The following CLASRP variants were observed in gnomAD, a reference collection of about 807,000 sequenced individuals.
The protein encoded by CLASRP is CLK4 associating serine/arginine rich protein, also known as CLK4-associating serine/arginine rich protein.
A neutral mutation model predicts 99.9 loss-of-function variants in CLASRP; 52 were observed. The ratio of observed to expected loss-of-function variants is 0.52; its 90% CI spans 0.42 to 0.66. CLASRP has a LOEUF of 0.66. Among genes scored for constraint, CLASRP ranks in the 30% least tolerant of loss-of-function variants. The pLI, the probability that CLASRP is intolerant of heterozygous loss-of-function variation, is 0.00. For missense variants in CLASRP, 848 were observed against 999.2 expected (o/e 0.85, Z 2.04); for synonymous variants, 379 against 373.0 (o/e 1.02, Z -0.18).
At chr19:45,055,895 C>T (rs1382210324) in intron 5 of CLASRP, among the ~76,000 whole-genome samples, 1 of 152,024 alleles carries the variant, frequency 6.6e-6, no homozygotes, top group Admixed American at 6.6e-5. Flanking sequence ...GACTTACAAC[C>T]CACTGTCCCA....
At chr19:45,045,063 G>A (rs1360815690) in intron 2 of CLASRP, among the ~76,000 whole-genome samples, 1 of 152,232 alleles carries the variant, frequency 6.6e-6, no homozygotes, top group Non-Finnish European at 1.5e-5. Flanking sequence ...TAACCAGTTA[G>A]CTCGGGGACC....
At chr19:45,054,327 G>A (rs1972081963) in intron 5 of CLASRP, among the ~76,000 whole-genome samples, 1 of 152,120 alleles carries the variant, frequency 6.6e-6, no homozygotes, top group Non-Finnish European at 1.5e-5. Context: ...TCAGCTCACT[G>A]CAACCTCCAC....
chr19:45,067,375 G>T lies in CLASRP; in HGVS notation c.1448G>T (p.Gly483Val). Reference sequence around the variant, plus strand: ...TCAGGGGACCGCTACAGGCGGGGCGGCCGGGGCCTCAGGCACCACAGCAGT... The same window carrying T: ...TCAGGGGACCGCTACAGGCGGGGCGTCCGGGGCCTCAGGCACCACAGCAGT... ...SHSGDRYRRG[G>V]RGLRHHSSSR... The change falls in exon 14 of 21, where the codon GGC becomes GTC. Residue 483 changes from glycine (G) to valine (V), a missense_variant. Coordinates refer to ENST00000221455, the MANE Select transcript of CLASRP (RefSeq NM_007056.3). This position sits in a 1 kb window ranked among gnomAD's most constrained non-coding sequence, Gnocchi z 4.9. 1 of 1,529,938 alleles carries T rather than the reference G, an allele frequency of 6.5e-7. No homozygotes were observed. The highest frequency in any genetic ancestry group is 8.7e-7 in the Non-Finnish European group (1 of 1,143,160). The allele number at this position is 1,529,938 out of a possible 1,614,324, so 94.8% of individuals were successfully genotyped here.
At chr19:45,043,059 TTATAAAG>T (rs1359023704) in intron 2 of CLASRP, among the ~76,000 whole-genome samples, 1 of 152,166 alleles carries the variant, frequency 6.6e-6, no homozygotes, top group Non-Finnish European at 1.5e-5. Flanking sequence ...CAGGCTGTGC[TTATAAAG>T]TATAAATGAA....
At chr19:45,066,128 CTTT>C (rs200267372) in intron 13 of CLASRP, among the ~76,000 whole-genome samples, 20 of 149,522 alleles carry the variant, frequency 1.3e-4, no homozygotes, top group African/African-American at 4.9e-4. Flanking sequence ...GTTTCCTTTA[CTTT>C]TTTTTTTGAG....
chr19:45,058,163 T>A (rs553332100), intron 7 of CLASRP: 1 of 488,142 alleles, frequency 2.0e-6, no homozygotes, highest in African/African-American at 1.9e-5. Context: ...TCTCCTCCAC[T>A]TGGGCCGGCC....
intron 1 of CLASRP, 151 bp from the exon 2 acceptor site, chr19:45,040,033 G>T: frequency 1.9e-6 from 1 of 524,452 alleles, no homozygotes; most frequent in Non-Finnish European, 3.5e-6. Context: ...TTGAACATCT[G>T]GCATACTGTT....
At position 45,040,232 on chromosome 19, in the gene CLASRP, A is replaced by G; in HGVS notation, c.20A>G (p.Lys7Arg). 1 of 1,610,484 alleles carries G rather than the reference A, an allele frequency of 6.2e-7. No homozygotes were observed. Among genetic ancestry groups the G allele is most frequent in the Non-Finnish European group, 8.5e-7 (1 of 1,178,974 alleles). The change falls in exon 2 of 21, where the codon AAG becomes AGG. Residue 7 changes from lysine to arginine, a missense_variant. Transcript: ENST00000221455. MWHEAR[K>R]HERKLRGMMV... ...ACCACAATGTGGCACGAGGCTCGGA[A>G]GCATGAGCGGAAGCTTCGAGGCATG...
rs1967109148 is a variant in CLASRP at position 45,067,349 on chromosome 19, C to G, written c.1422C>G (p.His474Gln). 3 of 1,519,490 alleles carry G rather than the reference C, an allele frequency of 2.0e-6. No individual in the cohort carries two copies. The highest frequency in any genetic ancestry group is 2.6e-6 in the Non-Finnish European group (3 of 1,138,152). The allele number at this position is 1,519,490 out of a possible 1,614,324, so 94.1% of individuals were successfully genotyped here. Reference protein sequence around the residue: ...GPRRRSRSRSHSGDRYRRGGR... With the variant: ...GPRRRSRSRSQSGDRYRRGGR... ...GCTGCATCCCCAGGAGCCGCTCCCA[C>G]TCAGGGGACCGCTACAGGCGGGGCG... The change falls in exon 14 of 21, where the codon CAC (histidine) becomes CAG (glutamine). Residue 474 changes from histidine to glutamine, a missense_variant. By Grantham distance (24) the His-to-Gln change is conservative (BLOSUM62 0). Coordinates refer to ENST00000221455, the MANE Select transcript of CLASRP (RefSeq NM_007056.3). The surrounding 1 kb of genome is among the most constrained non-coding windows in gnomAD (Gnocchi z 4.9).
At chr19:45,042,411 C>T (rs1004399176) in intron 2 of CLASRP, among the ~76,000 whole-genome samples, 2 of 151,566 alleles carry the variant, frequency 1.3e-5, no homozygotes, top group East Asian at 3.9e-4. Flanking sequence ...CCCAGCTACT[C>T]GGGAGGCTGA....
In CLASRP at chr19:45,067,549, T is replaced by C. The variant is rs888692173; in HGVS notation, c.1622T>C (p.Leu541Pro). ...SPSPSPAREK[L>P]TRPAASPAVG... ...TCGCCATCACCCGCAAGAGAGAAGC[T>C]GACCAGGCCGGCCGCGTCCCCTGCT... The change falls in exon 14 of 21, where the codon CTG becomes CCG. Residue 541 changes from leucine (L) to proline (P), a missense_variant. This residue lies in a region of CLASRP where 489 missense variants were observed against 434.7 expected (regional missense o/e 1.12). Coordinates refer to ENST00000221455, the MANE Select transcript of CLASRP (RefSeq NM_007056.3). The surrounding 1 kb of genome is among the most constrained non-coding windows in gnomAD (Gnocchi z 4.9). 3.1e-6 allele frequency: 5 copies of C among 1,605,400 alleles called. No individual in the cohort carries two copies. The highest frequency in any genetic ancestry group is 3.4e-6 in the Non-Finnish European group (4 of 1,178,796).
intron 18 of CLASRP, 111 bp from the exon 19 acceptor site, chr19:45,069,911 G>A (rs775994928): frequency 3.5e-5 from 23 of 660,020 alleles, no homozygotes; most frequent in Middle Eastern, 6.1e-4. Context: ...TGGCAGTACC[G>A]GCCCCCTTGG....
intron 5 of CLASRP, among the ~76,000 whole-genome samples, chr19:45,054,131 T>C (rs1972077561): frequency 6.6e-6 from 1 of 152,248 alleles, no homozygotes; most frequent in South Asian, 2.1e-4. Flanking sequence ...CAGGGAAACT[T>C]CTCGCTGCTC....
At position 45,053,189 on chromosome 19, in the gene CLASRP, G is replaced by C. The variant is rs1300462051; in HGVS notation, c.379+12G>C. 2 of 1,613,558 alleles carry C rather than the reference G, an allele frequency of 1.2e-6. No individual in the cohort carries two copies. Among genetic ancestry groups the C allele is most frequent in the Non-Finnish European group, 8.5e-7 (1 of 1,179,526 alleles). ...CGACTTTGCCGGCAGTGAGTGATCTGTGGGGGGACGTGGGGTGTGGGGTTT... is the reference window on the plus strand; with the variant it reads ...CGACTTTGCCGGCAGTGAGTGATCTCTGGGGGGACGTGGGGTGTGGGGTTT... On this transcript the variant is annotated intron_variant, in intron 5 of 20. Coordinates refer to ENST00000221455, the MANE Select transcript of CLASRP (RefSeq NM_007056.3).
chr19:45,044,002 C>G (rs775899773), intron 2 of CLASRP, among the ~76,000 whole-genome samples: 1 of 152,174 alleles, frequency 6.6e-6, no homozygotes, highest in South Asian at 2.1e-4. Context: ...CTGCCTTAGC[C>G]TCCCAAGCAG....
chr19:45,042,424 C>T (rs968946191), intron 2 of CLASRP, among the ~76,000 whole-genome samples: 3 of 151,624 alleles, frequency 2.0e-5, no homozygotes, highest in African/African-American at 7.3e-5. Flanking sequence ...GAGGCTGAGG[C>T]AGGAGAATTG....
chr19:45,043,053 C>G (rs777982964), intron 2 of CLASRP, among the ~76,000 whole-genome samples: 9 of 152,086 alleles, frequency 5.9e-5, no homozygotes, highest in African/African-American at 2.2e-4. Flanking sequence ...TACCTTCAGG[C>G]TGTGCTTATA....
At position 45,042,901 on chromosome 19, in the gene CLASRP, G is replaced by T. The variant is rs186339360; in HGVS notation, c.99+2590G>T. ...CAAAGTGCTGGGATTACAGGCGTGA[G>T]CCACCACGCCCGGCTAGCTCCAAAA... On this transcript the variant is annotated intron_variant, in intron 2 of 20. Coordinates refer to ENST00000221455, the MANE Select transcript of CLASRP (RefSeq NM_007056.3). Among the ~76,000 whole-genome samples the T allele has an allele frequency of 3.7e-3, 562 of 152,242 alleles. 2 individuals are homozygous for T. Among genetic ancestry groups the T allele is most frequent in the African/African-American group, 0.013 (534 of 41,550 alleles).
chr19:45,069,974 C>A lies in CLASRP; in HGVS notation c.1875-48C>A, dbSNP rs143129696. The A allele has an allele frequency of 9.6e-4, 998 of 1,043,424 alleles. 12 individuals are homozygous for A. The East Asian group carries it at 0.021, about 22-fold the overall frequency. 64.6% of individuals were successfully genotyped at this position (1,043,424 alleles called of 1,614,324 possible). Reference sequence around the variant, plus strand: ...TGGAAGCACCTGCCCTCCCTGAGTTCAGTGTGTCCAGTGTTCCCGGCCAGA... The same window carrying A: ...TGGAAGCACCTGCCCTCCCTGAGTTAAGTGTGTCCAGTGTTCCCGGCCAGA... On this transcript the variant is annotated intron_variant, in intron 18 of 20. Coordinates refer to ENST00000221455, the MANE Select transcript of CLASRP (RefSeq NM_007056.3).
Sources: gnomAD v4.1 joint callset for allele counts (sites outside exome capture counted in the v4.1 genomes callset) on GRCh38, gnomAD v4.1.1 for gene constraint, gnomAD v4.1.1 regional missense constraint, Gnocchi (gnomAD v3.1) non-coding constraint, MANE v1.5 for transcripts, NCBI Gene and HGNC (gene_info 2026-07-23, HGNC 2026-07-21) for gene names.